The following MAN1C1 variants were observed in gnomAD, a reference collection of about 807,000 sequenced individuals.
MAN1C1 encodes mannosyl-oligosaccharide 1,2-alpha-mannosidase IC.
Under a neutral mutation model 71.5 loss-of-function variants are expected in MAN1C1, and 49 were observed. The observed-to-expected ratio is 0.69, with a 90% CI of 0.54 to 0.87. The LOEUF is 0.87. Among genes scored for constraint, MAN1C1 ranks in the 40% least tolerant of loss-of-function variants. MAN1C1 has a pLI of 0.00. For synonymous variants in MAN1C1, 352 were observed against 343.7 expected (o/e 1.02, Z -0.27); for missense variants, 743 against 835.0 (o/e 0.89, Z 1.36).
intron 2 of MAN1C1, among the ~76,000 whole-genome samples, chr1:25,690,910 A>C (rs1305002077): frequency 6.6e-6 from 1 of 152,188 alleles, no homozygotes; most frequent in Non-Finnish European, 1.5e-5. Context: ...GCAGGGGAGG[A>C]ACCAGCCGTA....
intron 1 of MAN1C1, among the ~76,000 whole-genome samples, chr1:25,672,033 C>T (rs917191818): frequency 6.6e-6 from 1 of 152,208 alleles, no homozygotes; most frequent in Non-Finnish European, 1.5e-5. Context: ...TGGCTCAGTC[C>T]AAGCCCAACG....
rs1170177490 is a variant in MAN1C1, at chr1:25,634,868, G to T, written c.540+16531G>T. 6.6e-6 allele frequency among the ~76,000 whole-genome samples: 1 copy of T among 151,204 alleles called. No individual in the cohort carries two copies. The highest frequency in any genetic ancestry group is 1.9e-4 in the East Asian group (1 of 5,194). ...AATAAAAGAATGCTAAATCAAACTT[G>T]CATTTGATCTTCTAATATTTTTGTT... On this transcript the variant is annotated intron_variant, in intron 1 of 11. Transcript: ENST00000374332. This position sits in a 1 kb window ranked among gnomAD's most constrained non-coding sequence, Gnocchi z 4.6.
At position 25,782,745 on chromosome 1, in the gene MAN1C1, GA is replaced by G; in HGVS notation, c.1766+46del. Reference sequence around the variant, plus strand: ...CCTAGGGATGGACAGGTGGGAGGTTGAGGGTAGGGGTCCGCAGTCCCTCCCC... The same window carrying G: ...CCTAGGGATGGACAGGTGGGAGGTTGGGGTAGGGGTCCGCAGTCCCTCCCC... On this transcript the variant is annotated intron_variant, in intron 11 of 11. Coordinates refer to ENST00000374332, the MANE Select transcript of MAN1C1 (RefSeq NM_020379.4). The surrounding 1 kb of genome is among the most constrained non-coding windows in gnomAD (Gnocchi z 4.4). The G allele has an allele frequency of 6.9e-7, 1 of 1,455,246 alleles. No homozygotes were observed. Among genetic ancestry groups the G allele is most frequent in the Non-Finnish European group, 9.6e-7 (1 of 1,036,612 alleles). 90.1% of individuals were successfully genotyped at this position (1,455,246 alleles called of 1,614,324 possible).
chr1:25,623,815 TGCTTTCA>T (rs2045253058), intron 1 of MAN1C1, among the ~76,000 whole-genome samples: 1 of 152,212 alleles, frequency 6.6e-6, no homozygotes, highest in South Asian at 2.1e-4. Context: ...CTCCCTGCGT[TGCTTTCA>T]GTGGCAAAAT....
At chr1:25,644,140 G>A (rs2045576855) in intron 1 of MAN1C1, among the ~76,000 whole-genome samples, 2 of 152,116 alleles carry the variant, frequency 1.3e-5, no homozygotes, top group Non-Finnish European at 2.9e-5. Context: ...GTGAGCAAAG[G>A]GCTGCGGAGT....
At chr1:25,767,403 A>G (rs1446905506) in intron 7 of MAN1C1, among the ~76,000 whole-genome samples, 2 of 33,830 alleles carry the variant, frequency 5.9e-5, no homozygotes, top group Non-Finnish European at 1.1e-4. Context: ...ACACACCCCT[A>G]CCACCCCACC....
At chr1:25,771,593 G>A in intron 7 of MAN1C1, 64 bp from the exon 8 acceptor site, 1 of 1,280,362 alleles carries the variant, frequency 7.8e-7, no homozygotes, top group Middle Eastern at 2.1e-4. Context: ...GGGTGTGCGA[G>A]GCCCTGCCCC....
chr1:25,756,531 C>T (rs2047288833), intron 5 of MAN1C1, among the ~76,000 whole-genome samples: 1 of 152,144 alleles, frequency 6.6e-6, no homozygotes, highest in African/African-American at 2.4e-5. Context: ...CCTGAGAATG[C>T]AGGAAGAATC....
intron 3 of MAN1C1, 37 bp from the exon 4 acceptor site, chr1:25,749,218 T>A (rs1262677847): frequency 6.4e-7 from 1 of 1,572,490 alleles, no homozygotes; most frequent in South Asian, 1.1e-5. Flanking sequence ...ATCTTACAAG[T>A]GTCCCCACTG....
intron 1 of MAN1C1, among the ~76,000 whole-genome samples, chr1:25,636,072 G>T (rs1280283834): frequency 6.6e-6 from 1 of 152,168 alleles, no homozygotes; most frequent in African/African-American, 2.4e-5. Flanking sequence ...CGAACAGGGA[G>T]TAGGTCACAA....
rs143190042 is a variant in MAN1C1 at position 25,698,587 on chromosome 1, G to A, written c.637+12051G>A. Among the ~76,000 whole-genome samples the A allele has an allele frequency of 5.5e-4, 84 of 152,234 alleles. 2 individuals are homozygous for A. The East Asian group carries it at 0.013, about 24-fold the overall frequency. ...ATCATACTTCCAGTGAAGACCGTCCGTGCGAGTGCTGTGAGGTACAGGCTT... is the reference window on the plus strand; with the variant it reads ...ATCATACTTCCAGTGAAGACCGTCCATGCGAGTGCTGTGAGGTACAGGCTT... On this transcript the variant is annotated intron_variant, in intron 2 of 11. Transcript: ENST00000374332.
At chr1:25,686,090 C>T (rs538529168) in intron 1 of MAN1C1, among the ~76,000 whole-genome samples, 13 of 152,230 alleles carry the variant, frequency 8.5e-5, no homozygotes, top group Non-Finnish European at 1.9e-4. Flanking sequence ...TTTTCCTTCC[C>T]TTCGGAGGAT....
intron 1 of MAN1C1, among the ~76,000 whole-genome samples, chr1:25,641,960 GTC>G (rs1008551602): frequency 1.6e-4 from 25 of 152,296 alleles, no homozygotes; most frequent in African/African-American, 5.8e-4. Flanking sequence ...ACAAAGACGA[GTC>G]TCTGGCTTTA....
rs1368402360 is a variant in MAN1C1 at position 25,634,621 on chromosome 1, A to G, written c.540+16284A>G. Among the ~76,000 whole-genome samples the G allele has an allele frequency of 6.6e-6, 1 of 152,130 alleles. No homozygotes were observed. Among genetic ancestry groups the G allele is most frequent in the Non-Finnish European group, 1.5e-5 (1 of 68,022 alleles). ...GATTGCCTGAGCTCAGCAGTTCGAG[A>G]CCAGCCTGGGCAACATGGTAAAACC... On this transcript the variant is annotated intron_variant, in intron 1 of 11. Coordinates refer to ENST00000374332, the MANE Select transcript of MAN1C1 (RefSeq NM_020379.4). This position sits in a 1 kb window ranked among gnomAD's most constrained non-coding sequence, Gnocchi z 4.6.
chr1:25,781,960 A>G (rs1486925019), intron 10 of MAN1C1, among the ~76,000 whole-genome samples: 1 of 152,196 alleles, frequency 6.6e-6, no homozygotes, highest in East Asian at 1.9e-4. Flanking sequence ...ACGCACGCCT[A>G]TAGTCCCAGC....
rs1018651080 is a variant in MAN1C1, at chr1:25,775,498, T to C, written c.1258-2607T>C. On this transcript the variant is annotated intron_variant, in intron 8 of 11. Transcript: ENST00000374332. The surrounding 1 kb of genome is among the most constrained non-coding windows in gnomAD (Gnocchi z 5.1). Reference sequence around the variant, plus strand: ...TGAGCATCTTCTGTGTGTCGGGCACTGGCTGGAGGCTGCTGCTGGTGGCTT... The same window carrying C: ...TGAGCATCTTCTGTGTGTCGGGCACCGGCTGGAGGCTGCTGCTGGTGGCTT... 2.6e-5 allele frequency among the ~76,000 whole-genome samples: 4 copies of C among 152,210 alleles called. No homozygotes were observed. The highest frequency in any genetic ancestry group is 5.9e-5 in the Non-Finnish European group (4 of 68,028).
chr1:25,646,019 C>T (rs2045607583), intron 1 of MAN1C1: 1 of 152,448 alleles, frequency 6.6e-6, no homozygotes, highest in South Asian at 2.1e-4. Flanking sequence ...CTGCCTATCC[C>T]CCAGGGTAGC....
intron 2 of MAN1C1, among the ~76,000 whole-genome samples, chr1:25,701,188 G>T (rs2046437448): frequency 1.3e-5 from 2 of 152,212 alleles, no homozygotes; most frequent in South Asian, 4.1e-4. Flanking sequence ...CCCTGCCCTT[G>T]GTCCTTGGCT....
At position 25,779,805 on chromosome 1, in the gene MAN1C1, C is replaced by A. The variant is rs542046017; in HGVS notation, c.1478-1135C>A. ...AGCCCTCCATGGAAGAGCAGGAAGT[C>A]CTGCAAACCTCTAACCCCTGCCTCT... is the stretch of plus-strand genomic sequence containing the variant. On this transcript the variant is annotated intron_variant, in intron 9 of 11. Transcript: ENST00000374332. The surrounding 1 kb of genome is among the most constrained non-coding windows in gnomAD (Gnocchi z 4.6). Among the ~76,000 whole-genome samples, 3 of 152,300 alleles carry A rather than the reference C, an allele frequency of 2.0e-5. No homozygotes were observed. The highest frequency in any genetic ancestry group is 4.4e-5 in the Non-Finnish European group (3 of 68,022).
Sources: allele counts gnomAD v4.1 joint callset (sites outside exome capture counted in the v4.1 genomes callset), GRCh38; gene constraint gnomAD v4.1.1; non-coding constraint Gnocchi (gnomAD v3.1); transcripts MANE v1.5; gene names NCBI Gene and HGNC (gene_info 2026-07-23, HGNC 2026-07-21).